Variants in SNTG2 observed in about 807,000 individuals in gnomAD.
SNTG2 encodes the protein gamma-2-syntrophin.
Under a neutral mutation model 70.9 loss-of-function variants are expected in SNTG2, and 74 were observed. The observed-to-expected ratio is 1.04, with a 90% CI of 0.86 to 1.27. The LOEUF (loss-of-function observed/expected upper bound fraction) is 1.27. Among genes scored for constraint, SNTG2 ranks in the 50% most tolerant of loss-of-function variants. SNTG2 has a pLI of 0.00. For missense variants in SNTG2, 717 were observed against 690.7 expected (o/e 1.04, Z -0.43); for synonymous variants, 278 against 273.8 (o/e 1.02, Z -0.15).
chr2:1,247,765 C>G (rs1268025763), intron 12 of SNTG2, among the ~76,000 whole-genome samples: 1 of 152,078 alleles, frequency 6.6e-6, no homozygotes, highest in Non-Finnish European at 1.5e-5. Context: ...GTTGAAGAAG[C>G]CAAGAAACAT....
intron 12 of SNTG2, among the ~76,000 whole-genome samples, chr2:1,255,561 C>A (rs1344468957): frequency 2.0e-5 from 3 of 151,856 alleles, no homozygotes; most frequent in Admixed American, 1.3e-4. Flanking sequence ...AATAAAAAGT[C>A]AAGATCTCTG....
At chr2:1,153,937 G>A (rs1159384556) in intron 6 of SNTG2, among the ~76,000 whole-genome samples, 2 of 152,204 alleles carry the variant, frequency 1.3e-5, no homozygotes, top group Admixed American at 1.3e-4. Flanking sequence ...CTTCTGGGTG[G>A]AGATGTGTAT....
chr2:1,244,128 C>T (rs1228060531), intron 11 of SNTG2, among the ~76,000 whole-genome samples: 4 of 150,226 alleles, frequency 2.7e-5, no homozygotes, highest in African/African-American at 9.7e-5. Flanking sequence ...ATCTCTCTAC[C>T]CCGTATGAAT....
intron 1 of SNTG2, among the ~76,000 whole-genome samples, chr2:1,025,709 G>A (rs1306622660): frequency 1.3e-5 from 2 of 152,144 alleles, no homozygotes; most frequent in Non-Finnish European, 2.9e-5. Flanking sequence ...TCTGCCTTAT[G>A]GAGGCCCCTG....
intron 1 of SNTG2, among the ~76,000 whole-genome samples, chr2:970,173 T>C (rs1660691362): frequency 6.6e-6 from 1 of 152,230 alleles, no homozygotes; most frequent in Non-Finnish European, 1.5e-5. Flanking sequence ...TTTATTTGTT[T>C]TGTATGTTGA....
chr2:1,355,665 T>C (rs149321716), intron 16 of SNTG2, among the ~76,000 whole-genome samples: 329 of 152,322 alleles, frequency 2.2e-3, no homozygotes, highest in African/African-American at 7.5e-3. Context: ...CAGGTCTCTC[T>C]TGGAGATACT....
intron 16 of SNTG2, among the ~76,000 whole-genome samples, chr2:1,319,005 G>A (rs569821299): frequency 6.6e-6 from 1 of 152,270 alleles, no homozygotes; most frequent in East Asian, 1.9e-4. Context: ...AAATGTATTT[G>A]TGTTTTATTT....
At chr2:1,254,488 C>T (rs1677936586) in intron 12 of SNTG2, among the ~76,000 whole-genome samples, 1 of 151,470 alleles carries the variant, frequency 6.6e-6, no homozygotes, top group Non-Finnish European at 1.5e-5. Context: ...AATGATGTAG[C>T]AACTGCCTAT....
At chr2:1,365,993 A>G (rs1005158624) in intron 16 of SNTG2, among the ~76,000 whole-genome samples, 3 of 152,084 alleles carry the variant, frequency 2.0e-5, no homozygotes, top group African/African-American at 7.2e-5. Context: ...AATGAAAATG[A>G]CCAAGATCCT....
At chr2:1,042,859 G>T (rs1199178407) in intron 1 of SNTG2, among the ~76,000 whole-genome samples, 1 of 152,168 alleles carries the variant, frequency 6.6e-6, no homozygotes, top group Non-Finnish European at 1.5e-5. Flanking sequence ...ATGGTGGAAA[G>T]ATTTGCATTC....
chr2:1,255,906 AAATATATATATAAATATAT>A lies in SNTG2; in HGVS notation c.1006-3461_1006-3443del, dbSNP rs1387996585. 1.6e-4 allele frequency among the ~76,000 whole-genome samples: 12 copies of A among 76,652 alleles called. No homozygotes were observed. In the South Asian group the frequency reaches 4.0e-3, roughly 25 times the overall value. 50.3% of individuals were successfully genotyped at this position (76,652 alleles called of 152,430 possible). A position where few individuals can be genotyped will look rare whatever the true frequency, so the allele number is the denominator to read the frequency against. The stretch of plus-strand genomic sequence containing the variant: ...TATAAATATATATAAATATATATAT[AAATATATATATAAATATAT>A]AAATATATAAATATATATATATATA... On this transcript the variant is annotated intron_variant, in intron 12 of 16. Coordinates refer to ENST00000308624, the MANE Select transcript of SNTG2 (RefSeq NM_018968.4).
intron 1 of SNTG2, among the ~76,000 whole-genome samples, chr2:1,062,392 G>A (rs1036125441): frequency 6.6e-6 from 1 of 152,164 alleles, no homozygotes; most frequent in Non-Finnish European, 1.5e-5. Context: ...TGAAGTGGGG[G>A]CTATATTATT....
At chr2:1,070,290 G>A (rs1572357508) in intron 1 of SNTG2, among the ~76,000 whole-genome samples, 1 of 152,010 alleles carries the variant, frequency 6.6e-6, no homozygotes, top group East Asian at 1.9e-4. Context: ...TGCAATTGAT[G>A]ACATTGCAGC....
chr2:978,603 T>C (rs1660991227), intron 1 of SNTG2, among the ~76,000 whole-genome samples: 2 of 152,204 alleles, frequency 1.3e-5, no homozygotes, highest in African/African-American at 4.8e-5. Context: ...GCTGAAGCCT[T>C]CTGCCCCTGT....
At position 1,046,146 on chromosome 2, in the gene SNTG2, CA is replaced by C. The variant is rs537066951; in HGVS notation, c.73-37371del. 3.5e-3 allele frequency among the ~76,000 whole-genome samples: 538 copies of C among 152,116 alleles called. 2 individuals carry two copies. Among genetic ancestry groups the C allele is most frequent in the African/African-American group, 0.012 (511 of 41,504 alleles). ...AATGATCTTCTTAGAACGTTTTGAT[CA>C]TTGTTTTTTAAAGTCTGCTTTGTCT... On this transcript the variant is annotated intron_variant, in intron 1 of 16. Coordinates refer to ENST00000308624, the MANE Select transcript of SNTG2 (RefSeq NM_018968.4).
intron 1 of SNTG2, among the ~76,000 whole-genome samples, chr2:990,579 T>G (rs1299734223): frequency 6.6e-6 from 1 of 152,160 alleles, no homozygotes; most frequent in Non-Finnish European, 1.5e-5. Context: ...CCCCACCTCC[T>G]AACACCATCA....
intron 16 of SNTG2, among the ~76,000 whole-genome samples, chr2:1,350,547 C>T (rs758419117): frequency 1.9e-4 from 29 of 152,258 alleles, no homozygotes; most frequent in Non-Finnish European, 3.8e-4. Flanking sequence ...CAAGGACAGC[C>T]GGATGCTGTT....
intron 16 of SNTG2, among the ~76,000 whole-genome samples, chr2:1,322,168 A>G (rs1681561927): frequency 6.6e-6 from 1 of 152,204 alleles, no homozygotes; most frequent in Admixed American, 6.5e-5. Context: ...TCTTTTTTCT[A>G]AGCAGTGGCA....
chr2:1,245,052 A>G (rs1677332013), intron 11 of SNTG2, among the ~76,000 whole-genome samples: 1 of 147,128 alleles, frequency 6.8e-6, no homozygotes, highest in Non-Finnish European at 1.5e-5. Flanking sequence ...GTTCTCACTC[A>G]TAGATGGGAA....
Sources: gnomAD v4.1 joint callset for allele counts (sites outside exome capture counted in the v4.1 genomes callset) on GRCh38, gnomAD v4.1.1 for gene constraint, MANE v1.5 for transcripts, NCBI Gene and HGNC (gene_info 2026-07-23, HGNC 2026-07-21) for gene names.